Variants in SSH1 observed in about 807,000 individuals in gnomAD.
SSH1 encodes protein phosphatase Slingshot homolog 1.
SSH1 carries 43 observed loss-of-function variants against 79.7 expected under a neutral mutation model. The observed-to-expected ratio is 0.54, with a 90% CI of 0.42 to 0.70. The LOEUF is 0.70. Ranked by LOEUF, SSH1 falls within the 30% of genes least tolerant of loss-of-function variation. The pLI, the probability that SSH1 is intolerant of heterozygous loss-of-function variation, is 0.00. For missense variants in SSH1, 1,206 were observed against 1,358.8 expected, an observed-to-expected ratio of 0.89 and a Z score of 1.77; for synonymous variants, 599 against 538.3, an observed-to-expected ratio of 1.11 and a Z score of -1.56.
rs956957907 is a variant in SSH1 at position 108,857,366 on chromosome 12, C to CTCCGGCGGCCTCGGCGCGGCG, written c.69+41_69+61dup. On this transcript the variant is annotated intron_variant, in intron 1 of 14. Coordinates refer to ENST00000326495, the MANE Select transcript of SSH1 (RefSeq NM_018984.4). This position sits in a 1 kb window ranked among gnomAD's most constrained non-coding sequence, Gnocchi z 4.7. ...CCCTGCCCCGCACGCGCGGCCCCAG[C>CTCCGGCGGCCTCGGCGCGGCG]TCCGGCGGCCTCGGCGCGGCGTCCG... The CTCCGGCGGCCTCGGCGCGGCG allele has an allele frequency of 3.2e-5, 30 of 947,804 alleles. No individual in the cohort carries two copies. Among genetic ancestry groups the CTCCGGCGGCCTCGGCGCGGCG allele is most frequent in the Non-Finnish European group, 3.6e-5 (29 of 796,860 alleles). The allele number at this position is 947,804 out of a possible 1,614,324, so 58.7% of individuals were successfully genotyped here. A position where few individuals can be genotyped will look rare whatever the true frequency, so the allele number is the denominator to read the frequency against.
intron 7 of SSH1, among the ~76,000 whole-genome samples, chr12:108,808,683 AGCTTAGAT>A (rs1346436598): frequency 4.6e-5 from 7 of 152,218 alleles, no homozygotes; most frequent in Admixed American, 4.6e-4. Flanking sequence ...ACATTCTAAT[AGCTTAGAT>A]GCTTAGATTT....
At chr12:108,831,890 T>C (rs574818294) in intron 2 of SSH1, among the ~76,000 whole-genome samples, 3 of 152,212 alleles carry the variant, frequency 2.0e-5, no homozygotes, top group African/African-American at 4.8e-5. Context: ...AATTCAAGTT[T>C]CAGAATGTGC....
At chr12:108,801,717 T>C (rs951828594) in intron 11 of SSH1, among the ~76,000 whole-genome samples, 1 of 149,622 alleles carries the variant, frequency 6.7e-6, no homozygotes, top group African/African-American at 2.5e-5. Context: ...AGAACGGTGA[T>C]TTTGTGGCTG....
intron 14 of SSH1, 66 bp downstream of exon 14, chr12:108,792,220 G>C: frequency 1.2e-6 from 2 of 1,612,938 alleles, no homozygotes; most frequent in South Asian, 1.1e-5. Context: ...CAGAGGCTGA[G>C]GTAGGCCAAT....
intron 13 of SSH1, among the ~76,000 whole-genome samples, chr12:108,796,217 C>T (rs1244840522): frequency 6.6e-6 from 1 of 152,168 alleles, no homozygotes; most frequent in East Asian, 1.9e-4. Context: ...CACCCGGCCT[C>T]ATCTTGACCA....
intron 13 of SSH1, among the ~76,000 whole-genome samples, chr12:108,794,577 G>A (rs2036662476): frequency 6.6e-6 from 1 of 152,192 alleles, no homozygotes; most frequent in African/African-American, 2.4e-5. Flanking sequence ...AGATGTGGAA[G>A]TATCTGTAAA....
At chr12:108,793,937 G>A (rs1017349724) in intron 13 of SSH1, among the ~76,000 whole-genome samples, 6 of 152,192 alleles carry the variant, frequency 3.9e-5, no homozygotes, top group African/African-American at 9.7e-5. Flanking sequence ...GGCCTGGAGC[G>A]CCTGGCTTAG....
At chr12:108,851,280 C>G (rs1040130120) in intron 2 of SSH1, among the ~76,000 whole-genome samples, 1 of 152,182 alleles carries the variant, frequency 6.6e-6, no homozygotes, top group Admixed American at 6.5e-5. Context: ...TATTTCCCCT[C>G]CCTTCACTCA....
In SSH1 at chr12:108,852,101, T is replaced by C. The variant is rs114473878; in HGVS notation, c.110+537A>G. Among the ~76,000 whole-genome samples, 562 of 152,252 alleles carry C rather than the reference T, an allele frequency of 3.7e-3. 8 individuals are homozygous for C. Among genetic ancestry groups the C allele is most frequent in the African/African-American group, 0.012 (507 of 41,544 alleles). On this transcript the variant is annotated intron_variant, in intron 2 of 14. Coordinates refer to ENST00000326495, the MANE Select transcript of SSH1 (RefSeq NM_018984.4). ...AAATGGTAATGTAAGGGTGGTAGAA[T>C]AATGGCAATTATTTTCCTTCTTTTC... is the stretch of plus-strand genomic sequence containing the variant.
chr12:108,840,165 C>G (rs1468156639), intron 2 of SSH1, among the ~76,000 whole-genome samples: 1 of 152,108 alleles, frequency 6.6e-6, no homozygotes, highest in Non-Finnish European at 1.5e-5. Flanking sequence ...CCCTGCATCC[C>G]GACACTGACT....
At position 108,789,658 on chromosome 12, in the gene SSH1, G is replaced by A. The variant is rs928465274; in HGVS notation, c.1894-414C>T. 5.3e-5 allele frequency among the ~76,000 whole-genome samples: 8 copies of A among 152,092 alleles called. No homozygotes were observed. The South Asian group carries it at 1.0e-3, about 20-fold the overall frequency. ...AGAGAGGGACAAGTTCTAAGTCTCC[G>A]CGGAGGGAAGGCTTCCCAGAGGAAC... On this transcript the variant is annotated intron_variant, in intron 14 of 14. Coordinates refer to ENST00000326495, the MANE Select transcript of SSH1 (RefSeq NM_018984.4).
At position 108,782,116 on chromosome 12, in the gene SSH1, G is replaced by C. The variant is rs865916917; in HGVS notation, c.*5872C>G. 4.5e-4 allele frequency: 59 copies of C among 129,754 alleles called. 2 individuals carry two copies. Among genetic ancestry groups the C allele is most frequent in the African/African-American group, 1.6e-3 (52 of 32,964 alleles). The allele number at this position is 129,754 out of a possible 1,614,324, so 8.0% of individuals were successfully genotyped here. A position where few individuals can be genotyped will look rare whatever the true frequency, so the allele number is the denominator to read the frequency against. On this transcript the variant is annotated 3_prime_UTR_variant, in exon 15 of 15. Transcript: ENST00000326495. ...CCACTGAACTCCAGCCTGAGCAAGA[G>C]AGCCAGACCCAGTCTCAAAAAAAAA...
rs2036136248 is a variant in SSH1 at position 108,780,641 on chromosome 12, T to C, written c.*7347A>G. Reference sequence around the variant, plus strand: ...GAACCCAAAGAGAATTTGTTAGCTATCTTCAACCTTGCCAGAGAACAGTGT... The same window carrying C: ...GAACCCAAAGAGAATTTGTTAGCTACCTTCAACCTTGCCAGAGAACAGTGT... On this transcript the variant is annotated 3_prime_UTR_variant, in exon 15 of 15. Transcript: ENST00000326495. 6.6e-6 allele frequency: 1 copy of C among 152,228 alleles called. No individual in the cohort carries two copies. Among genetic ancestry groups the C allele is most frequent in the Non-Finnish European group, 1.5e-5 (1 of 68,026 alleles). The allele number at this position is 152,228 out of a possible 1,614,324, so 9.4% of individuals were successfully genotyped here. A position where few individuals can be genotyped will look rare whatever the true frequency, so the allele number is the denominator to read the frequency against.
chr12:108,808,491 T>C (rs2037400830), intron 7 of SSH1, among the ~76,000 whole-genome samples: 3 of 152,216 alleles, frequency 2.0e-5, no homozygotes, highest in Non-Finnish European at 4.4e-5. Flanking sequence ...AACCCATCAA[T>C]TAACTCCAGA....
rs903364155 is a variant in SSH1 at position 108,778,262 on chromosome 12, CA to C, written c.*9725del. On this transcript the variant is annotated 3_prime_UTR_variant, in exon 15 of 15. Coordinates refer to ENST00000326495, the MANE Select transcript of SSH1 (RefSeq NM_018984.4). ...TGCCCACAAGTTAAACAAACGCACG[CA>C]TAAGTCCACAGGGGCTCCTTTTCAT... 2 of 152,190 alleles carry C rather than the reference CA, an allele frequency of 1.3e-5. No homozygotes were observed. The highest frequency in any genetic ancestry group is 2.9e-5 in the Non-Finnish European group (2 of 68,052). 9.4% of individuals were successfully genotyped at this position (152,190 alleles called of 1,614,324 possible).
At chr12:108,851,129 T>A (rs572635822) in intron 2 of SSH1, among the ~76,000 whole-genome samples, 7 of 152,152 alleles carry the variant, frequency 4.6e-5, no homozygotes, top group Non-Finnish European at 1.0e-4. Context: ...TCCTGTATCT[T>A]GAGCATAACA....
chr12:108,792,024 G>A, intron 14 of SSH1: 2 of 1,426,892 alleles, frequency 1.4e-6, no homozygotes, highest in Non-Finnish European at 9.2e-7. Flanking sequence ...TGAAGATGGT[G>A]TGCAGAGATA....
chr12:108,800,673 TCC>T (rs3217206), intron 12 of SSH1, 105 bp downstream of exon 12: 45 of 1,370,112 alleles, frequency 3.3e-5, no homozygotes, highest in Non-Finnish European at 4.3e-5. Context: ...CCCGTTAGGA[TCC>T]CCCCTCCCAC....
At chr12:108,855,134 C>A (rs1335339550) in intron 1 of SSH1, among the ~76,000 whole-genome samples, 1 of 152,124 alleles carries the variant, frequency 6.6e-6, no homozygotes, top group African/African-American at 2.4e-5. Context: ...TACATCCATA[C>A]AATGGAGTAT....
Sources: gnomAD v4.1 joint callset for allele counts (sites outside exome capture counted in the v4.1 genomes callset) on GRCh38, gnomAD v4.1.1 for gene constraint, Gnocchi (gnomAD v3.1) non-coding constraint, MANE v1.5 for transcripts, NCBI Gene and HGNC (gene_info 2026-07-23, HGNC 2026-07-21) for gene names.